The following MYLK4 variants were observed in gnomAD, a reference collection of about 807,000 sequenced individuals.
MYLK4 encodes caMLCK like.
In MYLK4, 46 loss-of-function variants were observed where a neutral mutation model predicts 48.1. That is an observed-to-expected ratio of 0.96 (90% CI 0.75 to 1.22). The LOEUF is 1.22. Ranked by LOEUF, MYLK4 falls within the 50% of genes most tolerant of loss-of-function variation. The probability of loss-of-function intolerance (pLI) is 0.00; values close to 1 mark genes in which losing one functional copy is unlikely to be tolerated. For missense variants in MYLK4, 451 were observed against 486.1 expected (o/e 0.93, Z 0.68); for synonymous variants, 170 against 180.8 (o/e 0.94, Z 0.48).
intron 2 of MYLK4, among the ~76,000 whole-genome samples, chr6:2,725,575 GAAAA>G (rs10592501): frequency 4.5e-4 from 45 of 99,790 alleles, no homozygotes; most frequent in African/African-American, 1.2e-3. Flanking sequence ...AAGAAAGAAA[GAAAA>G]AGAAAGAGAA....
chr6:2,729,108 T>C (rs545464251), intron 2 of MYLK4, among the ~76,000 whole-genome samples: 1 of 152,352 alleles, frequency 6.6e-6, no homozygotes, highest in Admixed American at 6.5e-5. Flanking sequence ...TCCAGCTCTT[T>C]AGCTCACACT....
chr6:2,674,943 A>G (rs79213472), intron 11 of MYLK4, 104 bp downstream of exon 11: 2 of 833,686 alleles, frequency 2.4e-6, no homozygotes, highest in Non-Finnish European at 4.0e-6. Flanking sequence ...TGTGAGAAAA[A>G]GAATGAGAAA....
At chr6:2,725,410 G>C (rs73352538) in intron 2 of MYLK4, among the ~76,000 whole-genome samples, 3,139 of 152,070 alleles carry the variant, frequency 0.021, 96 homozygotes, top group African/African-American at 0.072. Flanking sequence ...AGGCTGCAAT[G>C]AGCTATGATT....
intron 6 of MYLK4, among the ~76,000 whole-genome samples, chr6:2,683,391 T>TGGTGTG (rs1761397470): frequency 7.9e-6 from 1 of 126,584 alleles, no homozygotes; most frequent in African/African-American, 2.9e-5. Flanking sequence ...CCCCACCTTT[T>TGGTGTG]TGTGTGTGTG....
At chr6:2,709,198 C>A (rs1439174992) in intron 2 of MYLK4, among the ~76,000 whole-genome samples, 1 of 152,178 alleles carries the variant, frequency 6.6e-6, no homozygotes, top group Non-Finnish European at 1.5e-5. Flanking sequence ...CCAATCATTC[C>A]AAAATTCGGT....
chr6:2,671,501 C>A (rs936867768), intron 11 of MYLK4, among the ~76,000 whole-genome samples, 153 bp from the exon 12 acceptor site: 3 of 152,188 alleles, frequency 2.0e-5, no homozygotes, highest in Non-Finnish European at 4.4e-5. Context: ...AACCCCCTGG[C>A]AGACACACCG....
At chr6:2,675,791 C>T (rs1761057089) in intron 10 of MYLK4, among the ~76,000 whole-genome samples, 2 of 152,048 alleles carry the variant, frequency 1.3e-5, no homozygotes, top group Admixed American at 6.6e-5. Flanking sequence ...AACAAATAAC[C>T]TTTCAAAATA....
chr6:2,763,413 C>G, the MYLK4 span, among the ~76,000 whole-genome samples: 1 of 152,206 alleles, frequency 6.6e-6, no homozygotes, highest in Non-Finnish European at 1.5e-5. Context: ...GAGGCTTGGG[C>G]CGCGCAGGAG....
chr6:2,769,923 A>G, the MYLK4 span, among the ~76,000 whole-genome samples: 10 of 152,270 alleles, frequency 6.6e-5, 1 homozygote, highest in African/African-American at 2.4e-4. Context: ...ATTCCAGAAG[A>G]TGTGTTTCAG....
the MYLK4 span, among the ~76,000 whole-genome samples, chr6:2,769,373 A>T: frequency 1.3e-5 from 2 of 152,238 alleles, no homozygotes; most frequent in African/African-American, 4.8e-5. Context: ...ATAAAAGGAC[A>T]CAAGCTATTT....
Position 2,744,573 on chromosome 6 carries a change from A to G in MYLK4, c.159+4563T>C, listed in dbSNP as rs1764009501. Among the ~76,000 whole-genome samples, 3 of 152,218 alleles carry G rather than the reference A, an allele frequency of 2.0e-5. No individual in the cohort carries two copies. The South Asian group carries it at 6.2e-4, about 31-fold the overall frequency. On this transcript the variant is annotated intron_variant, in intron 2 of 12. Coordinates refer to ENST00000274643, the MANE Select transcript of MYLK4 (RefSeq NM_001012418.5). ...TCACAGCAGATGGTCAGGAAATGCC[A>G]CCTGGTGTTAAATCCACCAACTGCA... is the stretch of plus-strand genomic sequence containing the variant.
In MYLK4 at chr6:2,692,873, A is replaced by G; in HGVS notation, c.160-14T>C. Reference sequence around the variant, plus strand: ...CACCTCCTTCGCCTGTGGAGGCACAATTGAGTAATTGAAGTTACATATCAC... The same window carrying G: ...CACCTCCTTCGCCTGTGGAGGCACAGTTGAGTAATTGAAGTTACATATCAC... On this transcript the variant is annotated splice_polypyrimidine_tract_variant and intron_variant, in intron 2 of 12. Transcript: ENST00000274643. 1.2e-6 allele frequency: 2 copies of G among 1,609,128 alleles called. No homozygotes were observed. The highest frequency in any genetic ancestry group is 1.7e-6 in the Non-Finnish European group (2 of 1,177,100).
At chr6:2,766,794 G>T in the MYLK4 span, among the ~76,000 whole-genome samples, 1 of 143,664 alleles carries the variant, frequency 7.0e-6, no homozygotes, top group Non-Finnish European at 1.5e-5. Flanking sequence ...AACCGAATTC[G>T]CAAGGAATCA....
chr6:2,737,040 C>T (rs546048110), intron 2 of MYLK4, among the ~76,000 whole-genome samples: 1 of 152,326 alleles, frequency 6.6e-6, no homozygotes, highest in African/African-American at 2.4e-5. Flanking sequence ...TTCTTATGCA[C>T]ATCAAATAAT....
chr6:2,760,529 C>T, the MYLK4 span, among the ~76,000 whole-genome samples: 3 of 152,286 alleles, frequency 2.0e-5, no homozygotes, highest in African/African-American at 7.2e-5. Context: ...AAGTTCCAAC[C>T]TTAGGGAGCC....
At chr6:2,739,807 AC>A (rs1763826173) in intron 2 of MYLK4, among the ~76,000 whole-genome samples, 3 of 152,388 alleles carry the variant, frequency 2.0e-5, no homozygotes, top group South Asian at 4.1e-4. Flanking sequence ...TGATAGCAGT[AC>A]TAACATACAG....
the MYLK4 span, among the ~76,000 whole-genome samples, chr6:2,763,547 C>T: frequency 3.3e-5 from 5 of 152,338 alleles, no homozygotes; most frequent in East Asian, 9.7e-4. Flanking sequence ...GCCGGTGGTG[C>T]AGGCCGCTCC....
chr6:2,731,776 T>C (rs2113327502), intron 2 of MYLK4, among the ~76,000 whole-genome samples: 1 of 152,350 alleles, frequency 6.6e-6, no homozygotes, highest in East Asian at 1.9e-4. Context: ...GAATCAATGC[T>C]ATTTTCTGTG....
intron 3 of MYLK4, among the ~76,000 whole-genome samples, chr6:2,691,337 A>G (rs780053690): frequency 1.3e-5 from 2 of 152,238 alleles, no homozygotes; most frequent in Non-Finnish European, 2.9e-5. Flanking sequence ...TAAAAAATGA[A>G]CTAAGAATTA....
Sources: allele counts gnomAD v4.1 joint callset (sites outside exome capture counted in the v4.1 genomes callset), GRCh38; gene constraint gnomAD v4.1.1; transcripts MANE v1.5; gene names NCBI Gene and HGNC (gene_info 2026-07-23, HGNC 2026-07-21).